CAST: variants seen among roughly 807,000 people sequenced by gnomAD.
CAST encodes calpastatin.
Under a neutral mutation model 119.6 loss-of-function variants are expected in CAST, and 76 were observed. The observed-to-expected ratio is 0.64, with a 90% CI of 0.53 to 0.77. CAST has a LOEUF of 0.77. Among genes scored for constraint, CAST ranks in the 30% least tolerant of loss-of-function variants. The pLI, the probability that CAST is intolerant of heterozygous loss-of-function variation, is 0.00. For missense variants in CAST, 953 were observed against 946.5 expected (o/e 1.01, Z -0.09); for synonymous variants, 319 against 331.6 (o/e 0.96, Z 0.41).
At chr5:96,202,430 G>A in the CAST span, among the ~76,000 whole-genome samples, 3 of 151,994 alleles carry the variant, frequency 2.0e-5, no homozygotes, top group Non-Finnish European at 4.4e-5. Flanking sequence ...TAATTGTGGA[G>A]GAAAGAGTTT....
At chr5:96,269,859 T>A in the CAST span, among the ~76,000 whole-genome samples, 1 of 152,064 alleles carries the variant, frequency 6.6e-6, no homozygotes, top group Non-Finnish European at 1.5e-5. Context: ...TCAACCTCTT[T>A]AAAAAAATTG....
At chr5:96,370,643 C>G in the CAST span, among the ~76,000 whole-genome samples, 72 of 152,158 alleles carry the variant, frequency 4.7e-4, 5 homozygotes, top group Non-Finnish European at 1.0e-4. Context: ...TTGCTTTATT[C>G]CAGCTCTCTT....
the CAST span, among the ~76,000 whole-genome samples, chr5:96,487,109 G>A: frequency 6.6e-6 from 1 of 151,394 alleles, no homozygotes; most frequent in Non-Finnish European, 1.5e-5. Flanking sequence ...ACTGTAATCT[G>A]TAGTAGGGGT....
intron 3 of CAST, among the ~76,000 whole-genome samples, chr5:96,698,195 GTTTC>G (rs1173826327): frequency 6.6e-6 from 1 of 152,036 alleles, no homozygotes; most frequent in Admixed American, 6.5e-5. Context: ...CCCTTTCCAT[GTTTC>G]TTTTTTTTAA....
intron 11 of CAST, 25 bp from the exon 12 acceptor site, chr5:96,740,013 C>G: frequency 9.0e-7 from 1 of 1,108,172 alleles, no homozygotes; most frequent in Non-Finnish European, 1.4e-6. Flanking sequence ...TATATAATAT[C>G]CCTATGTGTA....
rs375864110 is a variant in CAST at position 96,625,754 on chromosome 5, G to A, written c.61-49785G>A. ...GGAAGGACAGATGGCTGACAGCCCCGGTTGCAGCTTCGTTGGATGCACTGC... is the reference window on the plus strand; with the variant it reads ...GGAAGGACAGATGGCTGACAGCCCCAGTTGCAGCTTCGTTGGATGCACTGC... On this transcript the variant is annotated intron_variant, in intron 1 of 11. Transcript: ENST00000505143. Among the ~76,000 whole-genome samples, 71 of 152,298 alleles carry A rather than the reference G, an allele frequency of 4.7e-4. No homozygotes were observed. The Middle Eastern group carries it at 0.01, about 22-fold the overall frequency.
intron 6 of CAST, chr5:96,728,192 A>C (rs1443236590): frequency 6.6e-6 from 1 of 152,224 alleles, no homozygotes; most frequent in African/African-American, 2.4e-5. Context: ...CAAGACCACA[A>C]GGTTTCCTGT....
chr5:96,568,588 A>T (rs866977680), intron 1 of CAST, among the ~76,000 whole-genome samples: 2 of 142,932 alleles, frequency 1.4e-5, no homozygotes. Flanking sequence ...AAAAAAAAAA[A>T]GAAGATAAGG....
chr5:96,155,057 C>T, the CAST span, among the ~76,000 whole-genome samples: 1 of 152,292 alleles, frequency 6.6e-6, no homozygotes, highest in Admixed American at 6.5e-5. Flanking sequence ...ATCTCTTTTT[C>T]CCCAAGGGTC....
At chr5:96,213,427 T>C in the CAST span, 1 of 152,152 alleles carries the variant, frequency 6.6e-6, no homozygotes, top group Non-Finnish European at 1.5e-5. Context: ...CTTTAAAATT[T>C]AATAATTAAC....
At chr5:96,610,557 A>ACAT (rs1314916340) in intron 1 of CAST, among the ~76,000 whole-genome samples, 1 of 152,202 alleles carries the variant, frequency 6.6e-6, no homozygotes, top group Non-Finnish European at 1.5e-5. Context: ...CCCACAATGA[A>ACAT]CATCATACTG....
the CAST span, chr5:96,213,641 A>G: frequency 6.6e-6 from 1 of 152,284 alleles, no homozygotes; most frequent in Admixed American, 6.5e-5. Flanking sequence ...ATATACATAT[A>G]TAAGCTGGGT....
chr5:95,979,626 TAGTTTA>T, the CAST span, among the ~76,000 whole-genome samples: 1 of 152,178 alleles, frequency 6.6e-6, no homozygotes, highest in African/African-American at 2.4e-5. Flanking sequence ...CAGAGAGAAT[TAGTTTA>T]AGTTTACTAG....
At chr5:96,348,975 G>C in the CAST span, among the ~76,000 whole-genome samples, 3 of 152,060 alleles carry the variant, frequency 2.0e-5, no homozygotes, top group African/African-American at 7.2e-5. Context: ...GTTTCATAGA[G>C]CTGGGGTTTC....
chr5:96,443,926 C>T, the CAST span, among the ~76,000 whole-genome samples: 4 of 152,204 alleles, frequency 2.6e-5, no homozygotes, highest in African/African-American at 9.7e-5. Flanking sequence ...TCTCAATTCT[C>T]TATTTCATGT....
the CAST span, chr5:96,423,484 T>G: frequency 5.0e-6 from 8 of 1,611,784 alleles, no homozygotes; most frequent in Admixed American, 1.0e-4. Flanking sequence ...CAACGAAGCA[T>G]TGATAAAATT....
At chr5:96,107,070 T>G in the CAST span, among the ~76,000 whole-genome samples, 7 of 142,840 alleles carry the variant, frequency 4.9e-5, no homozygotes, top group African/African-American at 7.8e-5. Context: ...GTTTTCCATT[T>G]GCTTGGTAGA....
chr5:96,347,797 G>A, the CAST span, among the ~76,000 whole-genome samples: 1 of 152,120 alleles, frequency 6.6e-6, no homozygotes, highest in Non-Finnish European at 1.5e-5. Flanking sequence ...CTAAAACCAG[G>A]GAAGAGGCAC....
At chr5:96,048,974 C>T in the CAST span, among the ~76,000 whole-genome samples, 1 of 152,050 alleles carries the variant, frequency 6.6e-6, no homozygotes, top group African/African-American at 2.4e-5. Context: ...GGGCTGGAGC[C>T]AGGGTGAGTG....
Sources: allele counts gnomAD v4.1 joint callset (sites outside exome capture counted in the v4.1 genomes callset), GRCh38; gene constraint gnomAD v4.1.1; transcripts MANE v1.5; gene names NCBI Gene and HGNC (gene_info 2026-07-23, HGNC 2026-07-21).